The following MYH14 variants were observed in gnomAD, a reference collection of about 807,000 sequenced individuals.
The protein encoded by MYH14 is myosin-14.
In MYH14, 123 loss-of-function variants were observed where a neutral mutation model predicts 255.5. The ratio of observed to expected loss-of-function variants is 0.48; its 90% CI spans 0.42 to 0.56. The LOEUF is 0.56. Among genes scored for constraint, MYH14 ranks in the 20% least tolerant of loss-of-function variants. The pLI is 0.00. For missense variants in MYH14, 2,423 were observed against 2,802.3 expected, an observed-to-expected ratio of 0.86 and a Z score of 3.06; for synonymous variants, 1,095 against 1,161.2, an observed-to-expected ratio of 0.94 and a Z score of 1.16.
chr19:50,307,142 C>A lies in MYH14; in HGVS notation c.5772C>A (p.Asp1924Glu). The change falls in exon 41 of 43, where the codon GAC (aspartate) becomes GAA (glutamate). Residue 1924 changes from aspartate to glutamate, a missense_variant. Physicochemically the swap from Asp to Glu is conservative, Grantham distance 45. Around this residue, in one of 3 missense-constraint regions of MYH14, gnomAD observed 1,513 missense variants for 1,674.8 expected, o/e 0.90. Transcript: ENST00000642316. The stretch of plus-strand genomic sequence containing the variant: ...TGGAGGAGGAGCGGAGGGTGGCTGA[C>A]CAGCTCCGGGACCAGGTAAGCAGCT... ...LQVEEERRVA[D>E]QLRDQLEKGN... is the part of the protein sequence containing the mutation. 6.5e-7 allele frequency: 1 copy of A among 1,547,632 alleles called. No individual in the cohort carries two copies.
chr19:50,226,823 T>A (rs1463513485), intron 7 of MYH14, 80 bp from the exon 8 acceptor site: 2 of 1,325,490 alleles, frequency 1.5e-6, no homozygotes, highest in Non-Finnish European at 2.2e-6. Flanking sequence ...GAGCAGTGGG[T>A]GTGGGGTTTG....
intron 7 of MYH14, 56 bp from the exon 8 acceptor site, chr19:50,226,847 G>T: frequency 6.4e-7 from 1 of 1,560,618 alleles, no homozygotes; most frequent in Non-Finnish European, 8.8e-7. Flanking sequence ...TGTTGTTCAC[G>T]TGTGAGTGGG....
intron 9 of MYH14, among the ~76,000 whole-genome samples, 167 bp from the exon 10 acceptor site, chr19:50,231,763 T>C (rs2033400916): frequency 6.7e-6 from 1 of 149,526 alleles, no homozygotes; most frequent in African/African-American, 2.4e-5. Flanking sequence ...TCATAGGTGC[T>C]AAACGCCCAC....
chr19:50,217,885 T>C (rs933013836), intron 3 of MYH14, 114 bp downstream of exon 3: 2 of 1,248,774 alleles, frequency 1.6e-6, no homozygotes, highest in African/African-American at 2.9e-5. Context: ...CTTGACTCTG[T>C]AGGGCTTCTT....
intron 19 of MYH14, among the ~76,000 whole-genome samples, chr19:50,259,919 A>G (rs1156931607): frequency 6.6e-6 from 1 of 152,168 alleles, no homozygotes; most frequent in East Asian, 1.9e-4. Flanking sequence ...AATAGGACAG[A>G]ATAGAAAATA....
chr19:50,265,245 C>T (rs1048135131), intron 22 of MYH14, among the ~76,000 whole-genome samples: 2 of 151,988 alleles, frequency 1.3e-5, no homozygotes, highest in Admixed American at 6.6e-5. Context: ...AGGTTAGGGG[C>T]TCACACCTGT....
chr19:50,307,160 A>G lies in MYH14; in HGVS notation c.5787+3A>G. 1 of 1,532,634 alleles carries G rather than the reference A, an allele frequency of 6.5e-7. No homozygotes were observed. The highest frequency in any genetic ancestry group is 8.8e-7 in the Non-Finnish European group (1 of 1,131,878). 94.9% of individuals were successfully genotyped at this position (1,532,634 alleles called of 1,614,324 possible). ...TGGCTGACCAGCTCCGGGACCAGGT[A>G]AGCAGCTGGCATCATTAGGGAGCAG... On this transcript the variant is annotated splice_donor_region_variant and intron_variant, in intron 41 of 42. Transcript: ENST00000642316.
rs376379600 is a variant in MYH14, at chr19:50,310,171, T to TTC, written c.*402_*403dup. On this transcript the variant is annotated 3_prime_UTR_variant, in exon 43 of 43. Coordinates refer to ENST00000642316, the MANE Select transcript of MYH14 (RefSeq NM_001145809.2). ...AGCCAGTGCAACCCATTCCCTCTGC[T>TTC]TCTCTCTCTCTCTCTCTCTCTCCCT... 2,248 of 240,256 alleles carry TTC rather than the reference T, an allele frequency of 9.4e-3. 31 individuals are homozygous for TTC. The highest frequency in any genetic ancestry group is 0.04 in the African/African-American group (1,649 of 41,722). 14.9% of individuals were successfully genotyped at this position (240,256 alleles called of 1,614,324 possible).
chr19:50,248,895 G>T (rs1481175305), intron 12 of MYH14, 92 bp from the exon 13 acceptor site: 5 of 1,403,706 alleles, frequency 3.6e-6, no homozygotes, highest in South Asian at 1.2e-5. Flanking sequence ...CCTTAAGGGG[G>T]ACGAGCTGGG....
At chr19:50,217,440 C>T (rs1178490505) in intron 2 of MYH14, among the ~76,000 whole-genome samples, 175 bp from the exon 3 acceptor site, 1 of 152,218 alleles carries the variant, frequency 6.6e-6, no homozygotes, top group African/African-American at 2.4e-5. Flanking sequence ...AGATTCTTTG[C>T]TACCATCAGC....
chr19:50,292,433 G>T, intron 37 of MYH14, 44 bp downstream of exon 37: 1 of 1,518,818 alleles, frequency 6.6e-7, no homozygotes, highest in Non-Finnish European at 8.8e-7. Flanking sequence ...AAGCTGGGAG[G>T]TGGGCAAGGC....
Position 50,203,630 on chromosome 19 carries a change from C to T in MYH14, c.-45C>T, listed in dbSNP as rs1433125763. 1 of 152,378 alleles carries T rather than the reference C, an allele frequency of 6.6e-6. No homozygotes were observed. The highest frequency in any genetic ancestry group is 2.4e-5 in the African/African-American group (1 of 41,458). The allele number at this position is 152,378 out of a possible 1,614,324, so 9.4% of individuals were successfully genotyped here. A position where few individuals can be genotyped will look rare whatever the true frequency, so the allele number is the denominator to read the frequency against. On this transcript the variant is annotated 5_prime_UTR_variant, in exon 1 of 43. Coordinates refer to ENST00000642316, the MANE Select transcript of MYH14 (RefSeq NM_001145809.2). ...GGGCTGTCCTGGCGGACACGCCCCT[C>T]TTTCTCCCCAGGCCGAAGCCTCGGG...
Position 50,209,511 on chromosome 19 carries a change from G to A in MYH14, c.-3-852G>A, listed in dbSNP as rs373902890. On this transcript the variant is annotated intron_variant, in intron 1 of 42. Transcript: ENST00000642316. ...AAAAATTGAAAATAATTGGCCAGGCGCGGTGGCTCACACCTGTAATCCCAG... is the reference window on the plus strand; with the variant it reads ...AAAAATTGAAAATAATTGGCCAGGCACGGTGGCTCACACCTGTAATCCCAG... Among the ~76,000 whole-genome samples the A allele has an allele frequency of 1.2e-4, 18 of 151,974 alleles. 1 individual carries two copies. Among genetic ancestry groups the A allele is most frequent in the South Asian group, 1.0e-3 (5 of 4,818 alleles).
chr19:50,261,073 C>T (rs1600968393), intron 20 of MYH14, among the ~76,000 whole-genome samples: 1 of 104,948 alleles, frequency 9.5e-6, no homozygotes, highest in African/African-American at 3.8e-5. Context: ...ACTCCCCCAT[C>T]GCCCCCTCCC....
intron 32 of MYH14, 49 bp from the exon 33 acceptor site, chr19:50,281,545 G>A (rs1348349115): frequency 3.3e-6 from 5 of 1,523,152 alleles, no homozygotes; most frequent in Non-Finnish European, 3.5e-6. Flanking sequence ...CTTACACCTT[G>A]GTCACTCATG....
At chr19:50,223,145 A>G in intron 4 of MYH14, 35 bp downstream of exon 4, 1 of 1,612,808 alleles carries the variant, frequency 6.2e-7, no homozygotes. Context: ...GGAGGAGGAG[A>G]GGTCTGGGTG....
intron 22 of MYH14, among the ~76,000 whole-genome samples, chr19:50,265,484 C>G (rs2123368143): frequency 6.6e-6 from 1 of 152,240 alleles, no homozygotes; most frequent in African/African-American, 2.4e-5. Context: ...TGCACTACAG[C>G]TTGGGTGACA....
chr19:50,233,200 C>T (rs929604377), intron 10 of MYH14, among the ~76,000 whole-genome samples: 5 of 151,900 alleles, frequency 3.3e-5, no homozygotes, highest in Admixed American at 2.0e-4. Context: ...GAGGGAGTCT[C>T]ACTCTGTTAC....
In MYH14 at chr19:50,294,560, T is replaced by C. The variant is rs184165548; in HGVS notation, c.5469+873T>C. On this transcript the variant is annotated intron_variant, in intron 39 of 42. Transcript: ENST00000642316. ...AGCGATTCTCCTGATTCTCCAATTT[T>C]CTCTACAAAATATTTAAAAATTAGC... Among the ~76,000 whole-genome samples, 300 of 151,698 alleles carry C rather than the reference T, an allele frequency of 2.0e-3. 1 individual carries two copies. Among genetic ancestry groups the C allele is most frequent in the Non-Finnish European group, 3.8e-3 (256 of 67,884 alleles).
Sources: allele counts gnomAD v4.1 joint callset (sites outside exome capture counted in the v4.1 genomes callset), GRCh38; gene constraint gnomAD v4.1.1; regional missense constraint gnomAD v4.1.1; transcripts MANE v1.5; gene names NCBI Gene and HGNC (gene_info 2026-07-23, HGNC 2026-07-21).